GRID1: variants seen among roughly 807,000 people sequenced by gnomAD.
The protein encoded by GRID1 is glutamate receptor ionotropic, delta-1.
Under a neutral mutation model 98.0 loss-of-function variants are expected in GRID1, and 28 were observed. That is an observed-to-expected ratio of 0.29 (90% CI 0.21 to 0.39). GRID1 has a LOEUF of 0.39. Among genes scored for constraint, GRID1 ranks in the 10% least tolerant of loss-of-function variants. The probability of loss-of-function intolerance (pLI) is 1.00; values close to 1 mark genes in which losing one functional copy is unlikely to be tolerated. For missense variants in GRID1, 1,111 were observed against 1,340.5 expected, an observed-to-expected ratio of 0.83 and a Z score of 2.67; for synonymous variants, 553 against 538.5, an observed-to-expected ratio of 1.03 and a Z score of -0.37.
intron 15 of GRID1, chr10:85,605,957 G>A (rs1241391584): frequency 6.6e-6 from 1 of 152,228 alleles, no homozygotes; most frequent in Non-Finnish European, 1.5e-5. Context: ...CACCACTGAA[G>A]TGCAAGTGAG....
At chr10:86,325,022 C>A (rs747092491) in intron 2 of GRID1, among the ~76,000 whole-genome samples, 10 of 152,140 alleles carry the variant, frequency 6.6e-5, no homozygotes, top group Admixed American at 2.0e-4. Flanking sequence ...AAATATAAGT[C>A]ATGACACTAT....
intron 8 of GRID1, among the ~76,000 whole-genome samples, chr10:85,772,244 G>A (rs1842277790): frequency 6.6e-6 from 1 of 151,958 alleles, no homozygotes; most frequent in Non-Finnish European, 1.5e-5. Flanking sequence ...ACGAAATGAA[G>A]GCAGAAATAA....
rs1845814893 is a variant in GRID1, at chr10:86,192,430, A to T, written c.520+13934T>A. 6.6e-6 allele frequency among the ~76,000 whole-genome samples: 1 copy of T among 152,242 alleles called. No homozygotes were observed. Among genetic ancestry groups the T allele is most frequent in the South Asian group, 2.1e-4 (1 of 4,834 alleles). ...AGCACTATGCTAAGTGAAATAAGCC[A>T]GTCTCAAGGAACAAATACGGTACGA... is the stretch of plus-strand genomic sequence containing the variant. On this transcript the variant is annotated intron_variant, in intron 3 of 15. Coordinates refer to ENST00000327946, the MANE Select transcript of GRID1 (RefSeq NM_017551.3). The surrounding 1 kb of genome is among the most constrained non-coding windows in gnomAD (Gnocchi z 4.8).
chr10:85,843,041 C>T (rs543292713), intron 8 of GRID1, among the ~76,000 whole-genome samples: 5 of 152,072 alleles, frequency 3.3e-5, no homozygotes, highest in African/African-American at 1.2e-4. Context: ...AAATACAATC[C>T]AACAATGTGT....
chr10:85,823,648 A>G (rs1232148726), intron 8 of GRID1, among the ~76,000 whole-genome samples: 1 of 152,060 alleles, frequency 6.6e-6, no homozygotes, highest in Non-Finnish European at 1.5e-5. Flanking sequence ...TAATTCTGTG[A>G]ATATCAAGCT....
At chr10:86,337,710 T>G (rs1198663813) in intron 2 of GRID1, among the ~76,000 whole-genome samples, 1 of 137,162 alleles carries the variant, frequency 7.3e-6, no homozygotes, top group Non-Finnish European at 1.6e-5. Context: ...TTTTTTTTTT[T>G]TTTTTTTTTT....
chr10:85,664,888 T>C (rs1564552572), intron 12 of GRID1, among the ~76,000 whole-genome samples: 1 of 152,194 alleles, frequency 6.6e-6, no homozygotes, highest in Admixed American at 6.5e-5. Flanking sequence ...CTCAGTTTCC[T>C]CATAAGCAAT....
intron 8 of GRID1, among the ~76,000 whole-genome samples, chr10:85,763,808 G>A (rs17105863): frequency 0.015 from 2,218 of 152,272 alleles, 57 homozygotes; most frequent in African/African-American, 0.049. Context: ...GACAAGTGAA[G>A]TAATTCTCTT....
At chr10:86,061,003 C>T (rs186368313) in intron 4 of GRID1, among the ~76,000 whole-genome samples, 6 of 152,252 alleles carry the variant, frequency 3.9e-5, no homozygotes, top group African/African-American at 1.4e-4. Context: ...CTCCCTATGC[C>T]TCCCCAGTTG....
In GRID1 at chr10:85,765,299, G is replaced by A. The variant is rs539450837; in HGVS notation, c.1234-35685C>T. ...CATCCAGAGGGAGATTTAGCTGCAC[G>A]GGCTGGCTTAGGCCTCAAGACCCTC... is the stretch of plus-strand genomic sequence containing the variant. On this transcript the variant is annotated intron_variant, in intron 8 of 15. Transcript: ENST00000327946. Among the ~76,000 whole-genome samples the A allele has an allele frequency of 1.1e-4, 17 of 152,272 alleles. No homozygotes were observed. The South Asian group carries it at 2.7e-3, about 24-fold the overall frequency.
chr10:85,863,714 G>A (rs1366826763), intron 6 of GRID1, among the ~76,000 whole-genome samples: 1 of 152,206 alleles, frequency 6.6e-6, no homozygotes, highest in Non-Finnish European at 1.5e-5. Context: ...CAGTGGGGGA[G>A]AGGCCCCTGG....
At chr10:85,684,246 C>A (rs1841242514) in intron 12 of GRID1, among the ~76,000 whole-genome samples, 1 of 152,074 alleles carries the variant, frequency 6.6e-6, no homozygotes. Flanking sequence ...AATATACATG[C>A]CCCTAAAACA....
At chr10:86,132,757 G>A (rs1251804705) in intron 4 of GRID1, among the ~76,000 whole-genome samples, 1 of 152,240 alleles carries the variant, frequency 6.6e-6, no homozygotes, top group Non-Finnish European at 1.5e-5. Context: ...AATTGCGGGA[G>A]CTTCACTCAC....
intron 2 of GRID1, among the ~76,000 whole-genome samples, chr10:86,344,769 C>T (rs10749535): frequency 0.33 from 50,271 of 152,154 alleles, 10,447 homozygotes; most frequent in Admixed American, 0.48. Flanking sequence ...GCCACCTCTC[C>T]TCCTGTTGCT....
In GRID1 at chr10:85,883,418, C is replaced by T. The variant is rs567385813; in HGVS notation, c.781-14238G>A. ...AGTCATTTCAGATCTGATTAAACTGCACTTTATTGTTTCTTGGTTCTCACT... is the reference window on the plus strand; with the variant it reads ...AGTCATTTCAGATCTGATTAAACTGTACTTTATTGTTTCTTGGTTCTCACT... On this transcript the variant is annotated intron_variant, in intron 5 of 15. Coordinates refer to ENST00000327946, the MANE Select transcript of GRID1 (RefSeq NM_017551.3). Among the ~76,000 whole-genome samples, 11 of 152,156 alleles carry T rather than the reference C, an allele frequency of 7.2e-5. No individual in the cohort carries two copies. In the South Asian group the frequency reaches 2.1e-3, roughly 29 times the overall value.
At chr10:86,075,093 A>C in intron 4 of GRID1, among the ~76,000 whole-genome samples, 1 of 145,468 alleles carries the variant, frequency 6.9e-6, no homozygotes, top group Non-Finnish European at 1.5e-5. Context: ...GTCCAGCTCA[A>C]CTCACCCACC....
At chr10:85,907,317 G>T (rs143048694) in intron 5 of GRID1, among the ~76,000 whole-genome samples, 5,169 of 152,176 alleles carry the variant, frequency 0.034, 117 homozygotes, top group Non-Finnish European at 0.05. Context: ...TCGCCATGTT[G>T]GCCAGGCTGG....
intron 4 of GRID1, among the ~76,000 whole-genome samples, chr10:86,109,351 A>G (rs1169618423): frequency 6.6e-6 from 1 of 152,214 alleles, no homozygotes; most frequent in Non-Finnish European, 1.5e-5. Context: ...CCCAGGGTGA[A>G]CAAGGCTTAC....
intron 13 of GRID1, among the ~76,000 whole-genome samples, chr10:85,629,324 A>G (rs1302116047): frequency 2.0e-5 from 3 of 152,144 alleles, no homozygotes; most frequent in African/African-American, 7.2e-5. Flanking sequence ...TATTGTAACC[A>G]TCACCCAAAC....
Sources: gnomAD v4.1 joint callset for allele counts (sites outside exome capture counted in the v4.1 genomes callset) on GRCh38, gnomAD v4.1.1 for gene constraint, Gnocchi (gnomAD v3.1) non-coding constraint, MANE v1.5 for transcripts, NCBI Gene and HGNC (gene_info 2026-07-23, HGNC 2026-07-21) for gene names.